Variants in GLB1L3 observed in about 807,000 individuals in gnomAD.
GLB1L3 encodes the protein galactosidase beta 1 like 3, also known as beta-galactosidase-1-like protein 3.
Under a neutral mutation model 89.5 loss-of-function variants are expected in GLB1L3, and 89 were observed. The ratio of observed to expected loss-of-function variants is 0.99; its 90% CI spans 0.84 to 1.19. GLB1L3 has a LOEUF of 1.19. GLB1L3 is among the 50% of genes most tolerant of loss of function. The probability of loss-of-function intolerance (pLI) is 0.00; values close to 1 mark genes in which losing one functional copy is unlikely to be tolerated. For synonymous variants in GLB1L3, 314 were observed against 312.3 expected (o/e 1.01, Z -0.06); for missense variants, 812 against 813.3 (o/e 1.00, Z 0.02).
downstream of GLB1L3, among the ~76,000 whole-genome samples, chr11:134,321,237 C>G (rs1457003973): frequency 2.0e-5 from 3 of 152,242 alleles, no homozygotes; most frequent in East Asian, 5.8e-4. Context: ...CTGTAATTCT[C>G]AGATATTAAC....
intron 6 of GLB1L3, among the ~76,000 whole-genome samples, chr11:134,285,484 G>A (rs1940930049): frequency 6.6e-6 from 1 of 152,086 alleles, no homozygotes; most frequent in African/African-American, 2.4e-5. Flanking sequence ...AGCTCGAGAT[G>A]GGATAAAAAT....
intron 13 of GLB1L3, chr11:134,311,385 G>A (rs187322355): frequency 2.6e-5 from 14 of 540,970 alleles, no homozygotes; most frequent in Non-Finnish European, 3.3e-5. Context: ...GCAGGACGTC[G>A]GAGGATCCCG....
intron 10 of GLB1L3, 70 bp downstream of exon 10, chr11:134,307,278 T>G: frequency 9.1e-7 from 1 of 1,099,504 alleles, no homozygotes; most frequent in East Asian, 2.5e-5. Context: ...ATTCATACAG[T>G]TCTCTGCTAA....
chr11:134,314,942 T>C (rs919308194), intron 18 of GLB1L3, among the ~76,000 whole-genome samples: 1 of 152,208 alleles, frequency 6.6e-6, no homozygotes, highest in East Asian at 1.9e-4. Context: ...AATGTGAATG[T>C]ACAGATCAAC....
In GLB1L3 at chr11:134,312,491, T is replaced by C; in HGVS notation, c.1428+2T>C. 1 of 1,610,826 alleles carries C rather than the reference T, an allele frequency of 6.2e-7. No homozygotes were observed. Among genetic ancestry groups the C allele is most frequent in the Non-Finnish European group, 8.5e-7 (1 of 1,179,760 alleles). ...GCCCACGCTCATGACGTGGCACAGGTAGGGCCAGCAGGCTGTCTGTGTGGG... is the reference window on the plus strand; with the variant it reads ...GCCCACGCTCATGACGTGGCACAGGCAGGGCCAGCAGGCTGTCTGTGTGGG... On this transcript the variant is annotated splice_donor_variant, in intron 14 of 19. Transcript: ENST00000431683. LOFTEE classifies it high-confidence loss of function.
intron 6 of GLB1L3, among the ~76,000 whole-genome samples, chr11:134,287,821 G>A (rs1359689686): frequency 6.6e-6 from 1 of 152,240 alleles, no homozygotes; most frequent in African/African-American, 2.4e-5. Flanking sequence ...GAGGCGGGAA[G>A]GAGGCAGAGG....
Position 134,318,782 on chromosome 11 carries a change from A to G in GLB1L3, c.1896+35A>G, listed in dbSNP as rs568008557. The G allele has an allele frequency of 1.4e-5, 22 of 1,551,300 alleles. No homozygotes were observed. In the South Asian group the frequency reaches 2.1e-4, roughly 15 times the overall value. ...TCCAGTCTCTGCCTTGAGATCTCAT[A>G]AACTTTCAGATCAAAATGTGAGTTG... On this transcript the variant is annotated intron_variant, in intron 19 of 19. Transcript: ENST00000431683.
chr11:134,276,275 A>C, upstream of GLB1L3: 1 of 155,002 alleles, frequency 6.5e-6, no homozygotes, highest in Non-Finnish European at 1.4e-5. Context: ...CCTCTGTGGA[A>C]CCCTCGTTTT....
At chr11:134,305,894 G>C (rs1942185921) in intron 9 of GLB1L3, among the ~76,000 whole-genome samples, 1 of 152,032 alleles carries the variant, frequency 6.6e-6, no homozygotes. Flanking sequence ...AGGTAAAGAT[G>C]ATCAAATTCC....
chr11:134,293,111 A>C, intron 8 of GLB1L3, 34 bp from the exon 9 acceptor site: 9 of 1,594,730 alleles, frequency 5.6e-6, no homozygotes, highest in Non-Finnish European at 7.7e-6. Flanking sequence ...CACTTGTCTC[A>C]TGCCTCAGCT....
At chr11:134,323,034 C>CTGT (rs1345540314), downstream of GLB1L3, among the ~76,000 whole-genome samples, 4 of 152,174 alleles carry the variant, frequency 2.6e-5, no homozygotes, top group African/African-American at 9.7e-5. Context: ...TTCCCACCAA[C>CTGT]AAGGTATTAG....
rs530898923 is a variant in GLB1L3, at chr11:134,313,167, T to C, written c.1501-229T>C. Among the ~76,000 whole-genome samples the C allele has an allele frequency of 1.5e-3, 236 of 152,286 alleles. 1 individual carries two copies. Among genetic ancestry groups the C allele is most frequent in the Non-Finnish European group, 2.8e-3 (188 of 68,010 alleles). ...GGTTTCTGTGCCTTTTGGAGTTGGT[T>C]AAAGGTACAGCTGAGTCTCTCTGCC... On this transcript the variant is annotated intron_variant, in intron 15 of 19. Coordinates refer to ENST00000431683, the MANE Select transcript of GLB1L3 (RefSeq NM_001080407.3).
downstream of GLB1L3, among the ~76,000 whole-genome samples, chr11:134,320,537 G>T (rs117825742): frequency 0.031 from 4,787 of 152,154 alleles, 104 homozygotes; most frequent in Middle Eastern, 0.068. Context: ...AGAAACCAAG[G>T]TTCAAAGAGG....
chr11:134,320,247 A>G (rs1943148648), downstream of GLB1L3, among the ~76,000 whole-genome samples: 1 of 152,168 alleles, frequency 6.6e-6, no homozygotes, highest in Admixed American at 6.5e-5. Context: ...CTCTGTTTGG[A>G]TTGGAATGAA....
chr11:134,313,379 C>A lies in GLB1L3; in HGVS notation c.1501-17C>A. 1 of 1,565,688 alleles carries A rather than the reference C, an allele frequency of 6.4e-7. No individual in the cohort carries two copies. The highest frequency in any genetic ancestry group is 8.7e-7 in the Non-Finnish European group (1 of 1,154,486). ...TCCATGGCTGCGTGGTCTCCATGAC[C>A]TGGCCTGTCCCAGCAGGACTGCCGA... On this transcript the variant is annotated splice_polypyrimidine_tract_variant and intron_variant, in intron 15 of 19. Transcript: ENST00000431683.
chr11:134,308,172 C>CTAT (rs1942299572), intron 10 of GLB1L3, among the ~76,000 whole-genome samples: 1 of 139,150 alleles, frequency 7.2e-6, no homozygotes. Flanking sequence ...ACCACCAGCA[C>CTAT]CACCACCATC....
At chr11:134,280,944 C>T (rs1221065770) in intron 3 of GLB1L3, among the ~76,000 whole-genome samples, 1 of 152,206 alleles carries the variant, frequency 6.6e-6, no homozygotes, top group Non-Finnish European at 1.5e-5. Flanking sequence ...TTGCTAAGGT[C>T]TAAAGGTAGT....
At position 134,286,652 on chromosome 11, in the gene GLB1L3, C is replaced by A. The variant is rs957409143; in HGVS notation, c.637-2146C>A. On this transcript the variant is annotated intron_variant, in intron 6 of 19. Transcript: ENST00000431683. ...ATTAGCCGGGCGTGGTGGCGGGCGCCTGTAGTCCCAGCTACTCGGGAGGCT... is the reference window on the plus strand; with the variant it reads ...ATTAGCCGGGCGTGGTGGCGGGCGCATGTAGTCCCAGCTACTCGGGAGGCT... Among the ~76,000 whole-genome samples the A allele has an allele frequency of 4.0e-5, 6 of 151,074 alleles. No homozygotes were observed. The East Asian group carries it at 1.2e-3, about 30-fold the overall frequency.
At chr11:134,318,520 T>A in intron 18 of GLB1L3, 111 bp from the exon 19 acceptor site, 2 of 670,926 alleles carry the variant, frequency 3.0e-6, no homozygotes, top group East Asian at 2.7e-5. Context: ...AAACTCACCT[T>A]CATTTGAGTG....
Sources: allele counts gnomAD v4.1 joint callset (sites outside exome capture counted in the v4.1 genomes callset), GRCh38; gene constraint gnomAD v4.1.1; transcripts MANE v1.5; gene names NCBI Gene and HGNC (gene_info 2026-07-23, HGNC 2026-07-21).